Variants in DNAH3 observed in about 807,000 individuals in gnomAD.
The protein encoded by DNAH3 is dynein axonemal heavy chain 3, also known as axonemal beta dynein heavy chain 3.
A neutral mutation model predicts 432.5 loss-of-function variants in DNAH3; 332 were observed. The observed-to-expected ratio is 0.77, with a 90% CI of 0.70 to 0.84. The LOEUF is 0.84. Ranked by LOEUF, DNAH3 falls within the 40% of genes least tolerant of loss-of-function variation. The probability of loss-of-function intolerance (pLI) is 0.00; values close to 1 mark genes in which losing one functional copy is unlikely to be tolerated. For synonymous variants in DNAH3, 1,956 were observed against 1,900.2 expected (o/e 1.03, Z -0.76); for missense variants, 4,861 against 5,114.0 (o/e 0.95, Z 1.51).
chr16:21,145,731 T>C (rs1480197519), intron 2 of DNAH3, among the ~76,000 whole-genome samples: 1 of 152,196 alleles, frequency 6.6e-6, no homozygotes, highest in East Asian at 1.9e-4. Flanking sequence ...ACGCAGAAGT[T>C]CAGAGAGTTT....
Position 21,047,363 on chromosome 16 carries a change from C to G in DNAH3, c.4461+2206G>C, listed in dbSNP as rs1454914264. 3.0e-4 allele frequency among the ~76,000 whole-genome samples: 45 copies of G among 149,648 alleles called. No individual in the cohort carries two copies. In the South Asian group the frequency reaches 9.7e-3, roughly 32 times the overall value. On this transcript the variant is annotated intron_variant, in intron 31 of 61. Coordinates refer to ENST00000261383, the Ensembl canonical transcript of DNAH3. ...CACATAGTCCCATATTTCTTGGAGG[C>G]TTTGCTCATTTCTTTTTATTCTTTT... is the stretch of plus-strand genomic sequence containing the variant.
At chr16:21,047,501 T>A (rs2089758407) in intron 31 of DNAH3, among the ~76,000 whole-genome samples, 1 of 152,156 alleles carries the variant, frequency 6.6e-6, no homozygotes, top group South Asian at 2.1e-4. Flanking sequence ...TTCACGTAGT[T>A]CTCTAGCCTT....
chr16:20,980,924 T>C (rs567867286), intron 49 of DNAH3, among the ~76,000 whole-genome samples: 9 of 152,316 alleles, frequency 5.9e-5, no homozygotes, highest in Admixed American at 2.0e-4. Flanking sequence ...ACTCTGCCAT[T>C]TTAGTGCAAA....
chr16:21,101,370 G>A (rs1346437718), intron 16 of DNAH3, among the ~76,000 whole-genome samples: 3 of 152,070 alleles, frequency 2.0e-5, no homozygotes, highest in Admixed American at 6.6e-5. Context: ...ATGTGTGTGT[G>A]TATATATGTA....
intron 1 of DNAH3, among the ~76,000 whole-genome samples, chr16:21,152,619 G>C (rs895188108): frequency 6.6e-6 from 1 of 152,256 alleles, no homozygotes; most frequent in African/African-American, 2.4e-5. Context: ...GCGGGAACCC[G>C]GGCTGCGCAC....
intron 7 of DNAH3, among the ~76,000 whole-genome samples, chr16:21,132,021 A>G (rs566830221): frequency 6.6e-6 from 1 of 152,292 alleles, no homozygotes; most frequent in East Asian, 1.9e-4. Flanking sequence ...ATATGGTTCC[A>G]CTTAGTTAGA....
intron 2 of DNAH3, 42 bp from the exon 4 acceptor site, chr16:21,145,448 T>A: frequency 6.5e-7 from 1 of 1,542,116 alleles, no homozygotes; most frequent in South Asian, 1.1e-5. Context: ...ATGAGGAACA[T>A]CTCTCGATGA....
rs560181195 is a variant in DNAH3 at position 20,946,735 on chromosome 16, G to A, written c.11343+1748C>T. Among the ~76,000 whole-genome samples the A allele has an allele frequency of 2.7e-5, 4 of 149,664 alleles. No individual in the cohort carries two copies. In the East Asian group the frequency reaches 8.0e-4, roughly 30 times the overall value. On this transcript the variant is annotated intron_variant, in intron 57 of 61. Transcript: ENST00000261383. ...CCTTAGGGGCAGGCCGCAGGAAACA[G>A]AATCTCTCTGACCTTCTCTTTCCCT...
intron 55 of DNAH3, among the ~76,000 whole-genome samples, chr16:20,954,037 C>G (rs1022799364): frequency 6.6e-6 from 1 of 151,794 alleles, no homozygotes; most frequent in Non-Finnish European, 1.5e-5. Flanking sequence ...CCAGCCTGGC[C>G]AACACGGTGA....
At chr16:20,978,711 T>G (rs1287384561) in intron 50 of DNAH3, among the ~76,000 whole-genome samples, 1 of 152,072 alleles carries the variant, frequency 6.6e-6, no homozygotes, top group Non-Finnish European at 1.5e-5. Flanking sequence ...TTTTATTTTA[T>G]TTATTTTTTT....
In DNAH3 at chr16:21,154,593, C is replaced by G. The variant is rs538801158; in HGVS notation, c.117+4732G>C. The stretch of plus-strand genomic sequence containing the variant: ...TATGCCCTGGGACTGCTGCTAGGCA[C>G]TTAGTAGACATCATGTCTTTGAATC... On this transcript the variant is annotated intron_variant, in intron 1 of 61. Transcript: ENST00000261383. 8.5e-5 allele frequency among the ~76,000 whole-genome samples: 13 copies of G among 152,260 alleles called. No homozygotes were observed. The South Asian group carries it at 2.7e-3, about 32-fold the overall frequency.
intron 29 of DNAH3, among the ~76,000 whole-genome samples, chr16:21,050,261 C>G (rs1291431882): frequency 2.0e-5 from 3 of 152,046 alleles, no homozygotes; most frequent in Admixed American, 6.6e-5. Flanking sequence ...ACCTCAGAGC[C>G]CAGCACAGTG....
At position 21,037,939 on chromosome 16, in the gene DNAH3, T is replaced by TCCGA. The variant is rs1676584581; in HGVS notation, c.4768_4771dup (p.Glu1591ValfsTer11). 1.2e-6 allele frequency: 2 copies of TCCGA among 1,613,992 alleles called. No individual in the cohort carries two copies. Among genetic ancestry groups the TCCGA allele is most frequent in the Admixed American group, 3.3e-5 (2 of 59,990 alleles). On this transcript the variant is annotated frameshift_variant, in exon 34 of 62. Coordinates refer to ENST00000261383, the Ensembl canonical transcript of DNAH3. LOFTEE classifies it high-confidence loss of function. Reference sequence around the variant, plus strand: ...ATAGTGATGCTGAGAGGACAGTTGTTCCGAGCACAGGCGGTAGGTCGCAAC... The same window carrying TCCGA: ...ATAGTGATGCTGAGAGGACAGTTGTTCCGACCGAGCACAGGCGGTAGGTCGCAAC...
chr16:20,970,094 C>G (rs762621631), intron 51 of DNAH3, 104 bp from the exon 52 acceptor site: 160 of 1,088,110 alleles, frequency 1.5e-4, no homozygotes, highest in Non-Finnish European at 2.1e-4. Context: ...GAGGTGCTTC[C>G]TCTTCCAGAT....
intron 39 of DNAH3, among the ~76,000 whole-genome samples, chr16:21,023,786 G>GT (rs1567654144): frequency 8.2e-5 from 12 of 146,382 alleles, no homozygotes; most frequent in African/African-American, 3.0e-4. Context: ...CAGCTTTTGG[G>GT]GTGTGTGTGT....
At chr16:21,109,317 G>A (rs550929447) in intron 14 of DNAH3, among the ~76,000 whole-genome samples, 2 of 152,212 alleles carry the variant, frequency 1.3e-5, no homozygotes, top group East Asian at 3.9e-4. Flanking sequence ...ACCTGTCAGA[G>A]TCTCAGTGTC....
intron 12 of DNAH3, among the ~76,000 whole-genome samples, chr16:21,114,861 T>C (rs1422697918): frequency 6.6e-6 from 1 of 152,144 alleles, no homozygotes; most frequent in Non-Finnish European, 1.5e-5. Context: ...GAACTAGAAA[T>C]ACCATTTAAC....
At chr16:21,084,789 A>G (rs2091308549) in intron 19 of DNAH3, among the ~76,000 whole-genome samples, 1 of 151,992 alleles carries the variant, frequency 6.6e-6, no homozygotes, top group African/African-American at 2.4e-5. Flanking sequence ...GGATTTTCTG[A>G]GTGCCCACAT....
At position 21,148,923 on chromosome 16, in the gene DNAH3, ATTGT is replaced by A. The variant is rs540537376; in HGVS notation, c.118-2839_118-2836del. Among the ~76,000 whole-genome samples the A allele has an allele frequency of 5.3e-5, 8 of 152,230 alleles. No individual in the cohort carries two copies. In the East Asian group the frequency reaches 1.5e-3, roughly 29 times the overall value. On this transcript the variant is annotated intron_variant, in intron 1 of 61. Coordinates refer to ENST00000261383, the Ensembl canonical transcript of DNAH3. ...CATAAGAACTAGCTGGTTGTGCAAA[ATTGT>A]TTGTTAAAAATATGAATGCTTGGCC... is the stretch of plus-strand genomic sequence containing the variant.
Sources: allele counts gnomAD v4.1 joint callset (sites outside exome capture counted in the v4.1 genomes callset), GRCh38; gene constraint gnomAD v4.1.1; transcripts MANE v1.5; gene names NCBI Gene and HGNC (gene_info 2026-07-23, HGNC 2026-07-21).